The following ABCA1 variants were observed in gnomAD, a reference collection of about 807,000 sequenced individuals.
ABCA1 encodes phospholipid-transporting ATPase ABCA1.
A neutral mutation model predicts 262.5 loss-of-function variants in ABCA1; 133 were observed. The observed-to-expected ratio is 0.51, with a 90% CI of 0.44 to 0.59. ABCA1 has a LOEUF of 0.59. Ranked by LOEUF, ABCA1 falls within the 20% of genes least tolerant of loss-of-function variation. The pLI is 0.00. For synonymous variants in ABCA1, 1,022 were observed against 1,043.5 expected, an observed-to-expected ratio of 0.98 and a Z score of 0.40; for missense variants, 2,452 against 2,777.5, an observed-to-expected ratio of 0.88 and a Z score of 2.63.
In ABCA1 at chr9:104,858,572, C is replaced by T. The variant is rs1836053258; in HGVS notation, c.670G>A (p.Ala224Thr). ...TTGGAACGAAGTACTCGCTCTGCTG[C>T]AGCCAGTTTCTCCCTTGGTAGGCCA... is the stretch of plus-strand genomic sequence containing the variant. ...LCGLPREKLAAAERVLRSNMD... is the reference protein window; with the variant it reads ...LCGLPREKLATAERVLRSNMD... Residue 224 changes from alanine (A) to threonine (T), a missense_variant, in exon 7 of 50, where the codon GCA becomes ACA. Transcript: ENST00000374736. The T allele has an allele frequency of 5.0e-6, 8 of 1,614,204 alleles. No homozygotes were observed. Among genetic ancestry groups the T allele is most frequent in the Non-Finnish European group, 5.9e-6 (7 of 1,180,036 alleles).
chr9:104,845,335 T>C (rs1319271069), intron 8 of ABCA1, 142 bp downstream of exon 8: 1 of 691,714 alleles, frequency 1.4e-6, no homozygotes, highest in African/African-American at 1.8e-5. Flanking sequence ...CAAAACATTA[T>C]TGTTTACATC....
rs1263936314 is a variant in ABCA1, at chr9:104,787,991, A to G, written c.6133T>C (p.Tyr2045His). ...AGCTTGCGTTTGTTGCCTCCACTATAGTTACCAGCATATTTTTCTCCATAC... is the reference window on the plus strand; with the variant it reads ...AGCTTGCGTTTGTTGCCTCCACTATGGTTACCAGCATATTTTTCTCCATAC... Reference protein sequence around the residue: ...VKYGEKYAGNYSGGNKRKLST... With the variant: ...VKYGEKYAGNHSGGNKRKLST... The change falls in exon 46 of 50, where the codon TAT (tyrosine) becomes CAT (histidine). Residue 2045 changes from tyrosine to histidine, a missense_variant. Physicochemically the swap from Tyr to His is moderately conservative, Grantham distance 83. This residue lies in a region of ABCA1 where 752 missense variants were observed against 944.5 expected (regional missense o/e 0.80). Coordinates refer to ENST00000374736, the MANE Select transcript of ABCA1 (RefSeq NM_005502.4). 1.2e-6 allele frequency: 2 copies of G among 1,614,070 alleles called. No homozygotes were observed. The highest frequency in any genetic ancestry group is 1.7e-6 in the Non-Finnish European group (2 of 1,180,046).
intron 1 of ABCA1, among the ~76,000 whole-genome samples, chr9:104,907,869 A>G (rs1841266609): frequency 6.6e-6 from 1 of 151,972 alleles, no homozygotes; most frequent in Non-Finnish European, 1.5e-5. Context: ...CAAGTGGATC[A>G]CTCCTTGCCA....
chr9:104,846,834 G>A (rs1414581769), intron 7 of ABCA1, among the ~76,000 whole-genome samples: 1 of 152,194 alleles, frequency 6.6e-6, no homozygotes, highest in African/African-American at 2.4e-5. Context: ...ATACGCAGAG[G>A]TGTTCATGAT....
intron 7 of ABCA1, among the ~76,000 whole-genome samples, chr9:104,848,051 C>G (rs1164024875): frequency 2.2e-4 from 33 of 152,204 alleles, no homozygotes; most frequent in Admixed American, 2.2e-3. Context: ...CACACACACA[C>G]ACATATACAT....
rs757971289 is a variant in ABCA1 at position 104,818,686 on chromosome 9, T to C, written c.3439A>G (p.Ser1147Gly). The part of the protein sequence containing the change: ...SSLSSCRNSS[S>G]TVSYLKKEDS... ...ACCTTTTTCAGGTATGACACAGTGCTACTACTGTTTCTGCAGGAACTGAGG... is the reference window on the plus strand; with the variant it reads ...ACCTTTTTCAGGTATGACACAGTGCCACTACTGTTTCTGCAGGAACTGAGG... The change falls in exon 23 of 50, where the codon AGC becomes GGC. Residue 1147 changes from serine to glycine, a missense_variant. Ser to Gly is a moderately conservative substitution (Grantham distance 56, BLOSUM62 0). Transcript: ENST00000374736. 6.2e-7 allele frequency: 1 copy of C among 1,613,198 alleles called. No homozygotes were observed. Among genetic ancestry groups the C allele is most frequent in the African/African-American group, 1.3e-5 (1 of 74,892 alleles).
chr9:104,917,989 T>C (rs1841941257), intron 1 of ABCA1, among the ~76,000 whole-genome samples: 1 of 152,230 alleles, frequency 6.6e-6, no homozygotes, highest in Non-Finnish European at 1.5e-5. Flanking sequence ...AGGTCAAATA[T>C]AAAGTTATTT....
Position 104,781,655 on chromosome 9 carries a change from A to G in ABCA1, c.*2660T>C, listed in dbSNP as rs2118822680. ...TGTGAGGTTTGGTTGTTTTTTAACA[A>G]TGAATTGTGCTGGGCATTTATGTAT... is the stretch of plus-strand genomic sequence containing the variant. On this transcript the variant is annotated 3_prime_UTR_variant, in exon 50 of 50. Transcript: ENST00000374736. The G allele has an allele frequency of 6.5e-6, 1 of 152,738 alleles. No homozygotes were observed. Among genetic ancestry groups the G allele is most frequent in the Middle Eastern group, 3.4e-3 (1 of 294 alleles). 9.5% of individuals were successfully genotyped at this position (152,738 alleles called of 1,614,324 possible). A position where few individuals can be genotyped will look rare whatever the true frequency, so the allele number is the denominator to read the frequency against.
intron 11 of ABCA1, among the ~76,000 whole-genome samples, chr9:104,833,391 G>C (rs989534554): frequency 6.6e-6 from 1 of 152,022 alleles, no homozygotes; most frequent in African/African-American, 2.4e-5. Context: ...CATGTTGCCT[G>C]GGCTGGTCTT....
Position 104,786,283 on chromosome 9 carries a change from A to C in ABCA1, c.6401+15T>G. On this transcript the variant is annotated intron_variant, in intron 48 of 49. Coordinates refer to ENST00000374736, the MANE Select transcript of ABCA1 (RefSeq NM_005502.4). ...TTCTCACTAGGCACTATCCCAAAGA[A>C]ATTATCTTTATTACCTATTTTTTAG... 1 of 1,602,380 alleles carries C rather than the reference A, an allele frequency of 6.2e-7. No homozygotes were observed. Among genetic ancestry groups the C allele is most frequent in the Non-Finnish European group, 8.5e-7 (1 of 1,169,780 alleles).
At chr9:104,862,664 CG>C (rs1220714472) in intron 5 of ABCA1, among the ~76,000 whole-genome samples, 153 of 7,042 alleles carry the variant, frequency 0.022, 14 homozygotes, top group South Asian at 0.043. Context: ...CGGGCCGGGC[CG>C]GGCCGGGCCG....
chr9:104,812,426 T>C, intron 28 of ABCA1, 148 bp downstream of exon 28: 1 of 1,038,732 alleles, frequency 9.6e-7, no homozygotes, highest in Non-Finnish European at 1.4e-6. Flanking sequence ...GATACACAAC[T>C]GGCAAGGAAT....
At position 104,788,418 on chromosome 9, in the gene ABCA1, C is replaced by T; in HGVS notation, c.6069+8G>A. The T allele has an allele frequency of 6.2e-7, 1 of 1,614,042 alleles. No individual in the cohort carries two copies. The highest frequency in any genetic ancestry group is 8.5e-7 in the Non-Finnish European group (1 of 1,179,944). Reference sequence around the variant, plus strand: ...GGAGACAGGCTGGCTTTCAGGTGCCCACAGTACCTTGCCAACTTCTTTCTC... The same window carrying T: ...GGAGACAGGCTGGCTTTCAGGTGCCTACAGTACCTTGCCAACTTCTTTCTC... On this transcript the variant is annotated splice_region_variant and intron_variant, in intron 45 of 49. Transcript: ENST00000374736.
Position 104,881,249 on chromosome 9 carries a change from A to C in ABCA1, c.421+1790T>G, listed in dbSNP as rs141324874. 2.1e-3 allele frequency among the ~76,000 whole-genome samples: 322 copies of C among 152,328 alleles called. 1 individual carries two copies. Among genetic ancestry groups the C allele is most frequent in the African/African-American group, 7.5e-3 (312 of 41,572 alleles). ...GCTTGACAACTTACCCCCATCAGCC[A>C]GTCTATTTCAACTGCTGCATAAATT... On this transcript the variant is annotated intron_variant, in intron 5 of 49. Coordinates refer to ENST00000374736, the MANE Select transcript of ABCA1 (RefSeq NM_005502.4).
At chr9:104,906,149 C>T (rs1340532034) in intron 1 of ABCA1, among the ~76,000 whole-genome samples, 2 of 152,208 alleles carry the variant, frequency 1.3e-5, no homozygotes, top group Non-Finnish European at 2.9e-5. Context: ...ATGGTTATAT[C>T]CTGTCCAAAC....
chr9:104,864,704 C>T (rs1190419716), intron 5 of ABCA1, among the ~76,000 whole-genome samples: 1 of 152,070 alleles, frequency 6.6e-6, no homozygotes, highest in East Asian at 1.9e-4. Context: ...CATATTGCAC[C>T]AGGGAACTTC....
intron 30 of ABCA1, among the ~76,000 whole-genome samples, chr9:104,809,185 A>G: frequency 6.6e-6 from 1 of 152,244 alleles, no homozygotes; most frequent in East Asian, 1.9e-4. Context: ...TTTCATCAGT[A>G]AGTGTAAAGT....
rs35010837 is a variant in ABCA1, at chr9:104,862,049, T to TACACACAC, written c.422-257_422-250dup. 1.2e-3 allele frequency among the ~76,000 whole-genome samples: 170 copies of TACACACAC among 145,096 alleles called. 1 individual carries two copies. Among genetic ancestry groups the TACACACAC allele is most frequent in the African/African-American group, 3.9e-3 (153 of 39,198 alleles). ...AACTCAAACAGTGTGATGGTGCTGT[T>TACACACAC]ACACACACACACACACACACACACA... On this transcript the variant is annotated intron_variant, in intron 5 of 49. Transcript: ENST00000374736.
chr9:104,826,008 A>C (rs1832782032), intron 16 of ABCA1, 121 bp from the exon 17 acceptor site: 2 of 983,260 alleles, frequency 2.0e-6, no homozygotes, highest in Non-Finnish European at 3.2e-6. Context: ...CATAAGGTGC[A>C]GAAGTAGTAT....
Sources: gnomAD v4.1 joint callset for allele counts (sites outside exome capture counted in the v4.1 genomes callset) on GRCh38, gnomAD v4.1.1 for gene constraint, gnomAD v4.1.1 regional missense constraint, MANE v1.5 for transcripts, NCBI Gene and HGNC (gene_info 2026-07-23, HGNC 2026-07-21) for gene names.